Variants in PPP2R2B observed in about 807,000 individuals in gnomAD.
PPP2R2B encodes the protein protein phosphatase 2 regulatory subunit Bbeta.
Under a neutral mutation model 46.0 loss-of-function variants are expected in PPP2R2B, and 5 were observed. The ratio of observed to expected loss-of-function variants is 0.11; its 90% CI spans 0.06 to 0.23. The LOEUF is 0.23. Among genes scored for constraint, PPP2R2B ranks in the 10% least tolerant of loss-of-function variants. PPP2R2B has a pLI of 1.00. For synonymous variants in PPP2R2B, 215 were observed against 206.7 expected, an observed-to-expected ratio of 1.04 and a Z score of -0.34; for missense variants, 367 against 575.0, an observed-to-expected ratio of 0.64 and a Z score of 3.70.
rs563635330 is a variant in PPP2R2B, at chr5:146,733,957, A to G, written c.71-32815T>C. Among the ~76,000 whole-genome samples, 4 of 152,304 alleles carry G rather than the reference A, an allele frequency of 2.6e-5. No individual in the cohort carries two copies. The East Asian group carries it at 5.8e-4, about 22-fold the overall frequency. ...TGGTGGTGGTAGTAATAGTAGTGGTAGTAATAACAGCTAACATTTATTGAG... is the reference window on the plus strand; with the variant it reads ...TGGTGGTGGTAGTAATAGTAGTGGTGGTAATAACAGCTAACATTTATTGAG... On this transcript the variant is annotated intron_variant, in intron 2 of 9. Coordinates refer to ENST00000394411, the MANE Select transcript of PPP2R2B (RefSeq NM_181675.4).
rs574689748 is a variant in PPP2R2B at position 146,936,881 on chromosome 5, T to C, written c.79+118784A>G. Among the ~76,000 whole-genome samples the C allele has an allele frequency of 1.8e-4, 27 of 151,548 alleles. No homozygotes were observed. The East Asian group carries it at 4.3e-3, about 24-fold the overall frequency. On this transcript the variant is annotated intron_variant, in intron 1 of 8. Coordinates refer to the PPP2R2B transcript ENST00000336640. ...GAGCCAGGGTTTTTTTTTTTTTTTT[T>C]CTTCAATGCTGTCTAATGGACAGTC...
chr5:147,010,354 T>A (rs1561574419), intron 1 of PPP2R2B, among the ~76,000 whole-genome samples: 1 of 152,158 alleles, frequency 6.6e-6, no homozygotes, highest in South Asian at 2.1e-4. Context: ...TTACATTTAT[T>A]GTGCACTTTA....
At chr5:146,801,385 G>A (rs1291175756) in intron 2 of PPP2R2B, among the ~76,000 whole-genome samples, 1 of 152,178 alleles carries the variant, frequency 6.6e-6, no homozygotes, top group Non-Finnish European at 1.5e-5. Flanking sequence ...ATGTTAATTT[G>A]ACTGTGGCTA....
intron 2 of PPP2R2B, among the ~76,000 whole-genome samples, chr5:146,835,058 G>T (rs2151357977): frequency 6.6e-6 from 1 of 152,178 alleles, no homozygotes; most frequent in African/African-American, 2.4e-5. Context: ...CTGGGTCTTT[G>T]CTATTATGAA....
intron 2 of PPP2R2B, among the ~76,000 whole-genome samples, chr5:146,704,543 A>G (rs1779719986): frequency 6.6e-6 from 1 of 152,222 alleles, no homozygotes; most frequent in South Asian, 2.1e-4. Context: ...AAAGTACACA[A>G]TGACTAAAAA....
chr5:146,671,756 C>T (rs991110407), intron 5 of PPP2R2B, among the ~76,000 whole-genome samples: 6 of 152,186 alleles, frequency 3.9e-5, no homozygotes, highest in African/African-American at 1.4e-4. Flanking sequence ...TGGCTGAATC[C>T]CTGCCTATGG....
chr5:146,617,012 C>T (rs559549565), intron 7 of PPP2R2B: 1 of 152,368 alleles, frequency 6.6e-6, no homozygotes, highest in African/African-American at 2.4e-5. Flanking sequence ...AAATGTGGTA[C>T]TTATATACAA....
intron 5 of PPP2R2B, among the ~76,000 whole-genome samples, chr5:146,678,439 C>T (rs1777898402): frequency 7.2e-6 from 1 of 138,772 alleles, no homozygotes. Flanking sequence ...CAATATCATA[C>T]TGAATGGGCA....
intron 2 of PPP2R2B, among the ~76,000 whole-genome samples, chr5:146,801,705 C>A (rs2151306147): frequency 6.6e-6 from 1 of 152,288 alleles, no homozygotes; most frequent in Admixed American, 6.5e-5. Context: ...GGAAATATTA[C>A]AATTACCTAC....
At chr5:146,924,090 A>G (rs550462422) in intron 1 of PPP2R2B, among the ~76,000 whole-genome samples, 1 of 152,290 alleles carries the variant, frequency 6.6e-6, no homozygotes, top group South Asian at 2.1e-4. Flanking sequence ...GGGTGGAAGG[A>G]GGGAGAGGAT....
At chr5:146,677,556 T>C (rs1777821676) in intron 5 of PPP2R2B, among the ~76,000 whole-genome samples, 1 of 117,488 alleles carries the variant, frequency 8.5e-6, no homozygotes, top group Non-Finnish European at 1.6e-5. Context: ...TCCCTCTGTC[T>C]GAGACAGGGT....
At chr5:146,810,463 G>A (rs1045928193) in intron 2 of PPP2R2B, among the ~76,000 whole-genome samples, 2 of 152,164 alleles carry the variant, frequency 1.3e-5, no homozygotes, top group African/African-American at 2.4e-5. Flanking sequence ...TCTCACAACA[G>A]GAGGCAATTA....
intron 2 of PPP2R2B, among the ~76,000 whole-genome samples, chr5:146,805,206 A>C (rs907712715): frequency 1.3e-5 from 2 of 152,194 alleles, no homozygotes; most frequent in African/African-American, 4.8e-5. Context: ...TTGAGGACAC[A>C]GAAACCATTT....
chr5:146,648,902 C>T (rs1363684529), intron 6 of PPP2R2B, among the ~76,000 whole-genome samples: 1 of 152,154 alleles, frequency 6.6e-6, no homozygotes, highest in East Asian at 1.9e-4. Context: ...AAGATGGAGA[C>T]AGGTTCCAGA....
intron 1 of PPP2R2B, among the ~76,000 whole-genome samples, chr5:146,924,061 G>A (rs1763699356): frequency 6.6e-6 from 1 of 152,120 alleles, no homozygotes; most frequent in South Asian, 2.1e-4. Flanking sequence ...ACACACACTG[G>A]GGCCTTTTGG....
rs574346183 is a variant in PPP2R2B at position 146,833,828 on chromosome 5, T to C, written c.70+44174A>G. Among the ~76,000 whole-genome samples, 12 of 141,580 alleles carry C rather than the reference T, an allele frequency of 8.5e-5. 1 individual carries two copies. The South Asian group carries it at 2.6e-3, about 31-fold the overall frequency. 92.9% of individuals were successfully genotyped at this position (141,580 alleles called of 152,430 possible). A position where few individuals can be genotyped will look rare whatever the true frequency, so the allele number is the denominator to read the frequency against. ...GATCCCCTCATCCCCTAACAATCAA[T>C]AGTTGGCATCCCCCAAAATCAAATA... On this transcript the variant is annotated intron_variant, in intron 2 of 9. Transcript: ENST00000394411.
At chr5:146,664,849 G>A (rs1219764622) in intron 5 of PPP2R2B, among the ~76,000 whole-genome samples, 1 of 152,116 alleles carries the variant, frequency 6.6e-6, no homozygotes, top group Non-Finnish European at 1.5e-5. Flanking sequence ...TTGTTAGCAG[G>A]CCGGAAAACA....
At position 146,999,135 on chromosome 5, in the gene PPP2R2B, T is replaced by C. The variant is rs1007246240; in HGVS notation, c.79+56530A>G. 3.3e-5 allele frequency among the ~76,000 whole-genome samples: 5 copies of C among 152,226 alleles called. No homozygotes were observed. In the South Asian group the frequency reaches 6.2e-4, roughly 19 times the overall value. ...CATTCATTGTTTGAGCAAATGTTTA[T>C]GAAACACCTTTTATGTCCAAGCACT... On this transcript the variant is annotated intron_variant, in intron 1 of 8. Transcript: ENST00000336640.
intron 1 of PPP2R2B, among the ~76,000 whole-genome samples, chr5:146,962,324 CAGAG>C (rs965344915): frequency 6.7e-6 from 1 of 149,574 alleles, no homozygotes; most frequent in Non-Finnish European, 1.5e-5. Flanking sequence ...ATTTGGTAGA[CAGAG>C]AGAGAGAGAG....
Sources: gnomAD v4.1 joint callset for allele counts (sites outside exome capture counted in the v4.1 genomes callset) on GRCh38, gnomAD v4.1.1 for gene constraint, MANE v1.5 for transcripts, NCBI Gene and HGNC (gene_info 2026-07-23, HGNC 2026-07-21) for gene names.